TRPM3: variants seen among roughly 807,000 people sequenced by gnomAD.
TRPM3 encodes transient receptor potential cation channel subfamily M member 3, also known as long transient receptor potential channel 3.
Under a neutral mutation model 181.2 loss-of-function variants are expected in TRPM3, and 77 were observed. That is an observed-to-expected ratio of 0.42 (90% CI 0.35 to 0.51). The LOEUF is 0.51. Ranked by LOEUF, TRPM3 falls within the 20% of genes least tolerant of loss-of-function variation. TRPM3 has a pLI of 0.01. For synonymous variants in TRPM3, 745 were observed against 796.4 expected, an observed-to-expected ratio of 0.94 and a Z score of 1.09; for missense variants, 1,759 against 2,196.7, an observed-to-expected ratio of 0.80 and a Z score of 3.98.
chr9:71,090,951 C>T (rs2066103456), intron 1 of TRPM3, among the ~76,000 whole-genome samples: 1 of 152,034 alleles, frequency 6.6e-6, no homozygotes, highest in Admixed American at 6.6e-5. Context: ...TTTTCAGACC[C>T]TTGATTTATA....
intron 6 of TRPM3, among the ~76,000 whole-genome samples, chr9:70,820,209 C>T (rs1564443054): frequency 6.6e-6 from 1 of 152,116 alleles, no homozygotes. Flanking sequence ...CTTATTGCTG[C>T]AGTGACTAAG....
intron 1 of TRPM3, among the ~76,000 whole-genome samples, chr9:71,368,074 A>T (rs1010129620): frequency 7.9e-5 from 12 of 152,126 alleles, no homozygotes; most frequent in African/African-American, 2.7e-4. Flanking sequence ...CTGGCTAAAG[A>T]AGTTTCAGTA....
At chr9:71,414,052 T>C (rs1407616255) in intron 1 of TRPM3, among the ~76,000 whole-genome samples, 1 of 152,124 alleles carries the variant, frequency 6.6e-6, no homozygotes, top group African/African-American at 2.4e-5. Flanking sequence ...ACCTTTTAAC[T>C]GCTATGTAAA....
At chr9:71,253,226 G>A (rs1272466440) in intron 1 of TRPM3, among the ~76,000 whole-genome samples, 1 of 151,966 alleles carries the variant, frequency 6.6e-6, no homozygotes, top group Non-Finnish European at 1.5e-5. Flanking sequence ...TGTTTGATGG[G>A]TAAAGAAAAA....
intron 12 of TRPM3, among the ~76,000 whole-genome samples, chr9:70,632,189 G>A (rs531402651): frequency 3.3e-5 from 5 of 152,082 alleles, no homozygotes; most frequent in African/African-American, 9.6e-5. Flanking sequence ...CTCTAGTTTT[G>A]TAGCCTTTGA....
chr9:71,205,923 A>G (rs2079095196), intron 1 of TRPM3, among the ~76,000 whole-genome samples: 1 of 152,228 alleles, frequency 6.6e-6, no homozygotes, highest in Non-Finnish European at 1.5e-5. Context: ...TCAAAGGAAG[A>G]AAATAAGCAA....
chr9:70,659,376 G>A (rs1347903984), intron 9 of TRPM3, among the ~76,000 whole-genome samples: 5 of 152,114 alleles, frequency 3.3e-5, no homozygotes, highest in African/African-American at 1.2e-4. Context: ...CTCAAGAGGA[G>A]AGGAATTGAC....
intron 1 of TRPM3, among the ~76,000 whole-genome samples, chr9:71,336,696 C>A (rs184059499): frequency 6.4e-4 from 98 of 152,264 alleles, no homozygotes; most frequent in African/African-American, 2.2e-3. Flanking sequence ...TACCTGACTT[C>A]AAACTATACT....
chr9:70,760,372 G>A (rs2077888524), intron 8 of TRPM3, among the ~76,000 whole-genome samples: 1 of 149,712 alleles, frequency 6.7e-6, no homozygotes, highest in African/African-American at 2.5e-5. Flanking sequence ...CTGGATAGAG[G>A]AAGTATTCGA....
At position 71,139,691 on chromosome 9, in the gene TRPM3, C is replaced by A. The variant is rs564348134; in HGVS notation, c.184-275180G>T. 9.9e-5 allele frequency among the ~76,000 whole-genome samples: 15 copies of A among 152,176 alleles called. No homozygotes were observed. The South Asian group carries it at 3.1e-3, about 32-fold the overall frequency. On this transcript the variant is annotated intron_variant, in intron 1 of 24. Transcript: ENST00000357533. ...TGGTTAATAATAAAAGTAGTAATAC[C>A]TAATGAATACTTACCCTGTAGCCAG...
intron 9 of TRPM3, among the ~76,000 whole-genome samples, chr9:70,652,421 T>C (rs1436064609): frequency 6.6e-6 from 1 of 152,012 alleles, no homozygotes; most frequent in East Asian, 1.9e-4. Context: ...CATGGGACTT[T>C]ATAAGTTTGG....
intron 22 of TRPM3, among the ~76,000 whole-genome samples, chr9:70,583,296 C>T (rs564965144): frequency 3.2e-4 from 49 of 152,314 alleles, no homozygotes; most frequent in Non-Finnish European, 5.3e-4. Flanking sequence ...TGAGAGTGAA[C>T]GCTACACTTC....
intron 1 of TRPM3, among the ~76,000 whole-genome samples, chr9:70,866,408 G>C (rs2095650237): frequency 6.6e-6 from 1 of 151,982 alleles, no homozygotes; most frequent in South Asian, 2.1e-4. Context: ...TCTGCATTTA[G>C]AAAAAATGGT....
At chr9:70,803,033 T>TAAAAAAAAAAAAAAAAAAAAAAAA (rs78461560) in intron 6 of TRPM3, among the ~76,000 whole-genome samples, 1 of 42,890 alleles carries the variant, frequency 2.3e-5, no homozygotes, top group Non-Finnish European at 4.3e-5. Context: ...AGAAATTTTG[T>TAAAAAAAAAAAAAAAAAAAAAAAA]AAAAAAAAAA....
chr9:71,020,528 A>G (rs1022620666), intron 1 of TRPM3, among the ~76,000 whole-genome samples: 10 of 152,256 alleles, frequency 6.6e-5, no homozygotes, highest in Admixed American at 6.5e-4. Context: ...GAAAATAGAA[A>G]CACTAAAAAT....
chr9:70,618,988 G>A lies in TRPM3; in HGVS notation c.2237C>T (p.Thr746Met), dbSNP rs759218496. The change falls in exon 17 of 26, where the codon ACG becomes ATG. Residue 746 changes from threonine (T) to methionine (M), a missense_variant. Coordinates refer to ENST00000677713, the MANE Select transcript of TRPM3 (RefSeq NM_001366145.2). ...TYELKNWSNA[T>M]CLQLAVAAKH... ...GGCAGCCACGGCAAGCTGCAGGCAC[G>A]TGGCGTTGCTCCAGTTCTTCAGCTC... is the stretch of plus-strand genomic sequence containing the variant. 1 of 1,614,196 alleles carries A rather than the reference G, an allele frequency of 6.2e-7. No homozygotes were observed. The highest frequency in any genetic ancestry group is 1.1e-5 in the South Asian group (1 of 91,092).
At chr9:71,146,048 C>A (rs2134584306) in intron 1 of TRPM3, among the ~76,000 whole-genome samples, 1 of 152,242 alleles carries the variant, frequency 6.6e-6, no homozygotes, top group South Asian at 2.1e-4. Context: ...AGGCATATTT[C>A]TACTGTTTAG....
At position 70,944,275 on chromosome 9, in the gene TRPM3, G is replaced by A. The variant is rs72729796; in HGVS notation, c.178-79764C>T. Among the ~76,000 whole-genome samples, 779 of 152,160 alleles carry A rather than the reference G, an allele frequency of 5.1e-3. 7 individuals are homozygous for A. The highest frequency in any genetic ancestry group is 6.9e-3 in the Non-Finnish European group (472 of 67,990). On this transcript the variant is annotated intron_variant, in intron 1 of 25. Coordinates refer to ENST00000677713, the MANE Select transcript of TRPM3 (RefSeq NM_001366145.2). ...ATGACCACCCTGCTTGAACAATCCC[G>A]CTTCCAATAAACACAAAGAAATCCA...
intron 1 of TRPM3, among the ~76,000 whole-genome samples, chr9:70,864,848 T>C (rs563078725): frequency 2.5e-4 from 38 of 152,198 alleles, no homozygotes; most frequent in African/African-American, 7.9e-4. Context: ...TAGAATAGTA[T>C]GTTTGTAACC....
Sources: gnomAD v4.1 joint callset for allele counts (sites outside exome capture counted in the v4.1 genomes callset) on GRCh38, gnomAD v4.1.1 for gene constraint, MANE v1.5 for transcripts, NCBI Gene and HGNC (gene_info 2026-07-23, HGNC 2026-07-21) for gene names.